The following DPP8 variants were observed in gnomAD, a reference collection of about 807,000 sequenced individuals.
The protein encoded by DPP8 is dipeptidyl peptidase 8.
Under a neutral mutation model 107.5 loss-of-function variants are expected in DPP8, and 31 were observed. That is an observed-to-expected ratio of 0.29 (90% CI 0.22 to 0.39). The LOEUF is 0.39. DPP8 is among the 10% of genes least tolerant of loss of function. The probability of loss-of-function intolerance (pLI) is 1.00; values close to 1 mark genes in which losing one functional copy is unlikely to be tolerated. For missense variants in DPP8, 842 were observed against 1,076.1 expected, an observed-to-expected ratio of 0.78 and a Z score of 3.04; for synonymous variants, 381 against 356.6, an observed-to-expected ratio of 1.07 and a Z score of -0.77.
At chr15:65,473,757 T>G (rs2066127309) in intron 12 of DPP8, among the ~76,000 whole-genome samples, 1 of 152,110 alleles carries the variant, frequency 6.6e-6, no homozygotes, top group Non-Finnish European at 1.5e-5. Context: ...TAAACTAAGA[T>G]TATTTCTTTC....
intron 5 of DPP8, among the ~76,000 whole-genome samples, chr15:65,497,410 G>A (rs568951951): frequency 6.6e-4 from 101 of 152,006 alleles, no homozygotes; most frequent in African/African-American, 2.3e-3. Context: ...ATGCCACTAC[G>A]CTCAGCTAAT....
In DPP8 at chr15:65,480,231, G is replaced by C. The variant is rs778988712; in HGVS notation, c.1287C>G (p.Ile429Met). The part of the protein sequence containing the change: ...PLIIYEETTD[I>M]WINIHDIFHV... Reference sequence around the variant, plus strand: ...AGGAAAAAATGCATACATTTATCCAGATGTCTGTTGTTTCTTCATAGATAA... The same window carrying C: ...AGGAAAAAATGCATACATTTATCCACATGTCTGTTGTTTCTTCATAGATAA... Residue 429 changes from isoleucine (I) to methionine (M), a missense_variant, in exon 10 of 20, where the codon ATC (isoleucine) becomes ATG (methionine). Ile to Met is a conservative substitution (Grantham distance 10). Around this residue, in one of 2 missense-constraint regions of DPP8, gnomAD observed 663 missense variants for 758.0 expected, o/e 0.87. Coordinates refer to ENST00000300141, the MANE Select transcript of DPP8 (RefSeq NM_130434.5). 1 of 1,612,088 alleles carries C rather than the reference G, an allele frequency of 6.2e-7. No homozygotes were observed. The highest frequency in any genetic ancestry group is 1.1e-5 in the South Asian group (1 of 90,814).
At chr15:65,459,817 T>C (rs2064761761) in intron 15 of DPP8, among the ~76,000 whole-genome samples, 1 of 152,034 alleles carries the variant, frequency 6.6e-6, no homozygotes, top group Non-Finnish European at 1.5e-5. Flanking sequence ...TAGCCAGGTA[T>C]GGTGCTGCGC....
At chr15:65,510,394 T>C (rs1409256326) in intron 2 of DPP8, among the ~76,000 whole-genome samples, 8 of 151,970 alleles carry the variant, frequency 5.3e-5, no homozygotes, top group Non-Finnish European at 1.2e-4. Flanking sequence ...ACTTACTATA[T>C]AAAAGGCTTC....
In DPP8 at chr15:65,456,389, C is replaced by T; in HGVS notation, c.1972-18G>A. The T allele has an allele frequency of 6.2e-7, 1 of 1,602,046 alleles. No homozygotes were observed. The highest frequency in any genetic ancestry group is 8.5e-7 in the Non-Finnish European group (1 of 1,176,172). On this transcript the variant is annotated intron_variant, in intron 15 of 19. Transcript: ENST00000300141. ...AACTGCACCTGAGGAAGAAACACAA[C>T]TTCAGTTTATCATATGGAAGCATAT... is the stretch of plus-strand genomic sequence containing the variant.
chr15:65,502,961 C>T (rs1323829620), intron 3 of DPP8: 3 of 152,042 alleles, frequency 2.0e-5, no homozygotes, highest in South Asian at 2.1e-4. Flanking sequence ...AAAGACATCA[C>T]GTATGCATGG....
chr15:65,481,677 T>C, intron 8 of DPP8, 62 bp from the exon 9 acceptor site: 1 of 987,556 alleles, frequency 1.0e-6, no homozygotes, highest in Admixed American at 2.9e-5. Flanking sequence ...ATTAGCTTGC[T>C]AGTCTACTTT....
At chr15:65,478,225 T>C (rs1030526422) in intron 11 of DPP8, among the ~76,000 whole-genome samples, 4 of 152,152 alleles carry the variant, frequency 2.6e-5, no homozygotes, top group Non-Finnish European at 2.9e-5. Flanking sequence ...TGTGTAAAAA[T>C]ATCTAATAAT....
intron 17 of DPP8, 118 bp from the exon 18 acceptor site, chr15:65,452,220 T>G (rs1465451255): frequency 1.7e-6 from 2 of 1,179,858 alleles, no homozygotes; most frequent in Non-Finnish European, 2.3e-6. Flanking sequence ...GCCTTACTAC[T>G]GGCGCATACA....
chr15:65,453,906 G>GA (rs1332788446), intron 17 of DPP8, among the ~76,000 whole-genome samples: 1 of 150,954 alleles, frequency 6.6e-6, no homozygotes, highest in East Asian at 2.0e-4. Flanking sequence ...TCAGGAGTTT[G>GA]AGACCAGCCT....
chr15:65,475,352 G>A (rs1225297332), intron 11 of DPP8: 1 of 1,300,442 alleles, frequency 7.7e-7, no homozygotes, highest in Non-Finnish European at 1.1e-6. Context: ...TATCTTCTGA[G>A]TGTGGGCTTT....
At chr15:65,454,552 AG>A in intron 16 of DPP8, 137 bp from the exon 17 acceptor site, 1 of 735,442 alleles carries the variant, frequency 1.4e-6, no homozygotes, top group Non-Finnish European at 2.0e-6. Flanking sequence ...TTTGAGATGG[AG>A]TCTCACTCTG....
At position 65,444,795 on chromosome 15, in the gene DPP8, T is replaced by C. The variant is rs2063430567; in HGVS notation, c.*2089A>G. On this transcript the variant is annotated 3_prime_UTR_variant, in exon 20 of 20. Coordinates refer to ENST00000300141, the MANE Select transcript of DPP8 (RefSeq NM_130434.5). ...AAACAGCCTTAATGGGTGAGAGGTT[T>C]CAATGGAGTAGCTGCTTAAAAGCTA... 1 of 152,312 alleles carries C rather than the reference T, an allele frequency of 6.6e-6. No individual in the cohort carries two copies. The highest frequency in any genetic ancestry group is 1.5e-5 in the Non-Finnish European group (1 of 68,030). 9.4% of individuals were successfully genotyped at this position (152,312 alleles called of 1,614,324 possible).
In DPP8 at chr15:65,486,896, C is replaced by T. The variant is rs2067494385; in HGVS notation, c.955+794G>A. On this transcript the variant is annotated intron_variant, in intron 7 of 19. Transcript: ENST00000300141. ...GGTACAGTGTACACTGCTCGGGTGACGGGTGCACCAAAATCTCAGAAATCA... is the reference window on the plus strand; with the variant it reads ...GGTACAGTGTACACTGCTCGGGTGATGGGTGCACCAAAATCTCAGAAATCA... Among the ~76,000 whole-genome samples, 3 of 152,018 alleles carry T rather than the reference C, an allele frequency of 2.0e-5. No homozygotes were observed. In the South Asian group the frequency reaches 6.2e-4, roughly 32 times the overall value.
intron 11 of DPP8, among the ~76,000 whole-genome samples, chr15:65,477,874 G>C (rs182576057): frequency 2.7e-4 from 41 of 152,228 alleles, no homozygotes; most frequent in Admixed American, 1.0e-3. Context: ...AATCTGTTAA[G>C]TTACAAATGG....
At chr15:65,504,731 T>C (rs2069738197) in intron 3 of DPP8, among the ~76,000 whole-genome samples, 1 of 148,146 alleles carries the variant, frequency 6.8e-6, no homozygotes, top group Admixed American at 6.7e-5. Flanking sequence ...CCTATTATCC[T>C]AGCACTTTGG....
At chr15:65,464,455 G>A (rs1319008027) in intron 14 of DPP8, among the ~76,000 whole-genome samples, 1 of 152,144 alleles carries the variant, frequency 6.6e-6, no homozygotes, top group East Asian at 1.9e-4. Flanking sequence ...GCTGAGGTGG[G>A]TGGATTGCTT....
At chr15:65,489,022 G>A (rs1156885240) in intron 6 of DPP8, among the ~76,000 whole-genome samples, 1 of 152,142 alleles carries the variant, frequency 6.6e-6, no homozygotes, top group Non-Finnish European at 1.5e-5. Context: ...GCAGAGTGGC[G>A]CAATCTCAGC....
chr15:65,471,420 C>G lies in DPP8; in HGVS notation c.1536+2789G>C, dbSNP rs533266206. 2.4e-4 allele frequency among the ~76,000 whole-genome samples: 36 copies of G among 151,972 alleles called. No individual in the cohort carries two copies. In the East Asian group the frequency reaches 3.9e-3, roughly 16 times the overall value. Reference sequence around the variant, plus strand: ...ATAGCATAGCATTGTGATCACAGCTCAATGCAGCCTCAACCTCCCGGGCTA... The same window carrying G: ...ATAGCATAGCATTGTGATCACAGCTGAATGCAGCCTCAACCTCCCGGGCTA... On this transcript the variant is annotated intron_variant, in intron 12 of 19. Transcript: ENST00000300141.
Sources: allele counts gnomAD v4.1 joint callset (sites outside exome capture counted in the v4.1 genomes callset), GRCh38; gene constraint gnomAD v4.1.1; regional missense constraint gnomAD v4.1.1; transcripts MANE v1.5; gene names NCBI Gene and HGNC (gene_info 2026-07-23, HGNC 2026-07-21).